CHD5: variants seen among roughly 807,000 people sequenced by gnomAD.
CHD5 encodes chromodomain helicase DNA binding protein 5.
A neutral mutation model predicts 230.3 loss-of-function variants in CHD5; 69 were observed. That is an observed-to-expected ratio of 0.30 (90% CI 0.25 to 0.37). The LOEUF (loss-of-function observed/expected upper bound fraction) is 0.37. CHD5 is among the 10% of genes least tolerant of loss of function. The pLI is 1.00. For synonymous variants in CHD5, 1,064 were observed against 1,065.9 expected, an observed-to-expected ratio of 1.00 and a Z score of 0.03; for missense variants, 1,827 against 2,622.8, an observed-to-expected ratio of 0.70 and a Z score of 6.63.
chr1:6,125,473 G>C lies in CHD5; in HGVS notation c.4260+51C>G. ...CCCCCAGCCCTCCTCCATACCCCAG[G>C]GGCAGCAGGAAGCAGGGGCAGAAAG... is the stretch of plus-strand genomic sequence containing the variant. On this transcript the variant is annotated intron_variant, in intron 28 of 41. Coordinates refer to ENST00000262450, the MANE Select transcript of CHD5 (RefSeq NM_015557.3). The surrounding 1 kb of genome is among the most constrained non-coding windows in gnomAD (Gnocchi z 6.7). 6.5e-7 allele frequency: 1 copy of C among 1,528,284 alleles called. No homozygotes were observed. The highest frequency in any genetic ancestry group is 8.9e-7 in the Non-Finnish European group (1 of 1,125,988). The allele number at this position is 1,528,284 out of a possible 1,614,324, so 94.7% of individuals were successfully genotyped here. A position where few individuals can be genotyped will look rare whatever the true frequency, so the allele number is the denominator to read the frequency against.
chr1:6,133,498 G>C (rs1666690768), intron 20 of CHD5, among the ~76,000 whole-genome samples: 2 of 152,252 alleles, frequency 1.3e-5, no homozygotes, highest in Admixed American at 6.5e-5. Flanking sequence ...GCCCACGAGA[G>C]GAGCATTTTT....
intron 1 of CHD5, 116 bp downstream of exon 1, chr1:6,179,829 C>A: frequency 2.9e-6 from 1 of 340,638 alleles, no homozygotes; most frequent in Non-Finnish European, 4.1e-6. Context: ...CCGGGTGCCC[C>A]TCCTGCGAGG....
chr1:6,140,061 G>A (rs1557549661), intron 15 of CHD5, among the ~76,000 whole-genome samples: 1 of 152,336 alleles, frequency 6.6e-6, no homozygotes, highest in East Asian at 1.9e-4. Flanking sequence ...TCTTCTAGGG[G>A]CCAATGGCTA....
chr1:6,142,204 C>T lies in CHD5; in HGVS notation c.2360G>A (p.Arg787His). 6.2e-7 allele frequency: 1 copy of T among 1,614,214 alleles called. No homozygotes were observed. Among genetic ancestry groups the T allele is most frequent in the Non-Finnish European group, 8.5e-7 (1 of 1,180,028 alleles). ...VVTYTGDKESRSVIRENEFSF... is the reference protein window; with the variant it reads ...VVTYTGDKESHSVIRENEFSF... ...AAACTCGTTCTCCCGAATCACCGAGCGGCTCTCCTTGTCCCCCGTGTAGGT... is the reference window on the plus strand; with the variant it reads ...AAACTCGTTCTCCCGAATCACCGAGTGGCTCTCCTTGTCCCCCGTGTAGGT... The change falls in exon 15 of 42, where the codon CGC becomes CAC. Residue 787 changes from arginine to histidine, a missense_variant. Physicochemically the swap from Arg to His is conservative, Grantham distance 29. Coordinates refer to ENST00000262450, the MANE Select transcript of CHD5 (RefSeq NM_015557.3). This position sits in a 1 kb window ranked among gnomAD's most constrained non-coding sequence, Gnocchi z 5.2.
intron 1 of CHD5, among the ~76,000 whole-genome samples, chr1:6,172,428 C>T (rs1458151098): frequency 6.6e-6 from 1 of 152,102 alleles, no homozygotes; most frequent in South Asian, 2.1e-4. Context: ...TGGGCTCGAG[C>T]GACCCTCCCA....
Position 6,154,923 on chromosome 1 carries a change from G to C in CHD5, c.507-25C>G, listed in dbSNP as rs1375748110. 6.2e-7 allele frequency: 1 copy of C among 1,604,580 alleles called. No individual in the cohort carries two copies. Among genetic ancestry groups the C allele is most frequent in the Non-Finnish European group, 8.5e-7 (1 of 1,173,846 alleles). On this transcript the variant is annotated intron_variant, in intron 4 of 41. Transcript: ENST00000262450. This position sits in a 1 kb window ranked among gnomAD's most constrained non-coding sequence, Gnocchi z 7.0. ...CCTGTAGGGGGAGAGGCAGGAGGGTGAGGGCAAGGCCAGGTGAGATGAGAG... is the reference window on the plus strand; with the variant it reads ...CCTGTAGGGGGAGAGGCAGGAGGGTCAGGGCAAGGCCAGGTGAGATGAGAG...
At chr1:6,116,583 G>A (rs2100836091) in intron 33 of CHD5, among the ~76,000 whole-genome samples, 1 of 152,326 alleles carries the variant, frequency 6.6e-6, no homozygotes, top group Non-Finnish European at 1.5e-5. Flanking sequence ...TTCCTAGACA[G>A]GAGCAGCAAT....
chr1:6,134,338 C>A lies in CHD5; in HGVS notation c.3013-79G>T. On this transcript the variant is annotated intron_variant, in intron 19 of 41. Coordinates refer to ENST00000262450, the MANE Select transcript of CHD5 (RefSeq NM_015557.3). The surrounding 1 kb of genome is among the most constrained non-coding windows in gnomAD (Gnocchi z 6.3). ...TCTGCACCAAAGGGGCCGCAGGGAACAGACAAGTGCTGAGCAATGGGGTGA... is the reference window on the plus strand; with the variant it reads ...TCTGCACCAAAGGGGCCGCAGGGAAAAGACAAGTGCTGAGCAATGGGGTGA... 6.5e-7 allele frequency: 1 copy of A among 1,527,780 alleles called. No individual in the cohort carries two copies. Among genetic ancestry groups the A allele is most frequent in the Non-Finnish European group, 8.9e-7 (1 of 1,121,816 alleles). 94.6% of individuals were successfully genotyped at this position (1,527,780 alleles called of 1,614,324 possible).
rs137969033 is a variant in CHD5 at position 6,167,931 on chromosome 1, C to T, written c.207+219G>A. Among the ~76,000 whole-genome samples the T allele has an allele frequency of 2.2e-4, 34 of 152,312 alleles. No individual in the cohort carries two copies. The East Asian group carries it at 6.6e-3, about 29-fold the overall frequency. ...GGAGGAAGGAAAAATGACGCTCCGA[C>T]ATCCTGCTCCGGAAACAGGACAGCT... On this transcript the variant is annotated intron_variant, in intron 2 of 41. Coordinates refer to ENST00000262450, the MANE Select transcript of CHD5 (RefSeq NM_015557.3). This position sits in a 1 kb window ranked among gnomAD's most constrained non-coding sequence, Gnocchi z 4.5.
Position 6,128,363 on chromosome 1 carries a change from C to A in CHD5, c.3730+136G>T. The stretch of plus-strand genomic sequence containing the variant: ...CATGGTGACCAGACAGAGGAAACTG[C>A]GCTGTAACAGCCCCACTCGCCGCCC... On this transcript the variant is annotated intron_variant, in intron 24 of 41. Transcript: ENST00000262450. This position sits in a 1 kb window ranked among gnomAD's most constrained non-coding sequence, Gnocchi z 7.8. 1 of 1,102,560 alleles carries A rather than the reference C, an allele frequency of 9.1e-7. No homozygotes were observed. The allele number at this position is 1,102,560 out of a possible 1,614,324, so 68.3% of individuals were successfully genotyped here.
rs768905009 is a variant in CHD5, at chr1:6,134,754, G to A, written c.2976C>T (p.Cys992=). 2 of 1,614,194 alleles carry A rather than the reference G, an allele frequency of 1.2e-6. No homozygotes were observed. Among genetic ancestry groups the A allele is most frequent in the Non-Finnish European group, 1.7e-6 (2 of 1,180,012 alleles). The change falls in exon 19 of 42, where the codon TGC becomes TGT. Residue 992 remains cysteine (C), a synonymous_variant. Transcript: ENST00000262450. The surrounding 1 kb of genome is among the most constrained non-coding windows in gnomAD (Gnocchi z 6.3). ...LLNIMMDLKK[C]CNHPYLFPVA... is the part of the protein sequence containing the mutation. The stretch of plus-strand genomic sequence containing the variant: ...CAGGGAAGAGGTAGGGGTGGTTGCA[G>A]CACTTTTTCAGGTCCATCATGATGT...
intron 15 of CHD5, among the ~76,000 whole-genome samples, chr1:6,141,304 TTAA>T (rs573565940): frequency 8.1e-5 from 11 of 135,434 alleles, no homozygotes; most frequent in Non-Finnish European, 1.3e-4. Context: ...ATAATAATAA[TTAA>T]TAATAATAAT....
At chr1:6,163,547 T>C (rs114939158) in intron 2 of CHD5, among the ~76,000 whole-genome samples, 2,054 of 152,290 alleles carry the variant, frequency 0.013, 36 homozygotes, top group African/African-American at 0.046. Context: ...AAATCTCTCC[T>C]TGCAGAGAAA....
rs757461454 is a variant in CHD5, at chr1:6,154,708, C to A, written c.697G>T (p.Val233Leu). ...SPPLAVSPPQ[V>L]PQPVPIRKAK... ...TTGCGGATAGGCACAGGCTGGGGCA[C>A]CTGCGGGGGGCTGACGGCTAGCGGA... Residue 233 changes from valine (V) to leucine (L), a missense_variant, in exon 5 of 42, where the codon GTG (valine) becomes TTG (leucine). Around this residue, in one of 14 missense-constraint regions of CHD5, gnomAD observed 657 missense variants for 816.4 expected, o/e 0.80. Transcript: ENST00000262450. This position sits in a 1 kb window ranked among gnomAD's most constrained non-coding sequence, Gnocchi z 7.0. 3 of 1,603,136 alleles carry A rather than the reference C, an allele frequency of 1.9e-6. No individual in the cohort carries two copies. The African/African-American group carries it at 4.0e-5, about 21-fold the overall frequency.
At chr1:6,158,665 C>T (rs1349306628) in intron 3 of CHD5, among the ~76,000 whole-genome samples, 5 of 152,154 alleles carry the variant, frequency 3.3e-5, no homozygotes, top group East Asian at 1.9e-4. Flanking sequence ...CAGTGGCTCA[C>T]GCCTGTAATC....
chr1:6,124,434 T>C, intron 30 of CHD5, 83 bp downstream of exon 30: 3 of 1,498,364 alleles, frequency 2.0e-6, no homozygotes, highest in Non-Finnish European at 1.9e-6. Flanking sequence ...AGGCACTTGT[T>C]CTCTGACCAC....
intron 3 of CHD5, among the ~76,000 whole-genome samples, chr1:6,156,908 G>A (rs1667089239): frequency 6.6e-6 from 1 of 152,244 alleles, no homozygotes; most frequent in Non-Finnish European, 1.5e-5. Context: ...GTGGGCATGG[G>A]CTGGTTCTGA....
chr1:6,121,018 G>A lies in CHD5; in HGVS notation c.4912+87C>T. 5.0e-6 allele frequency: 7 copies of A among 1,400,732 alleles called. No individual in the cohort carries two copies. The highest frequency in any genetic ancestry group is 6.6e-6 in the Non-Finnish European group (7 of 1,064,680). 86.8% of individuals were successfully genotyped at this position (1,400,732 alleles called of 1,614,324 possible). A position where few individuals can be genotyped will look rare whatever the true frequency, so the allele number is the denominator to read the frequency against. On this transcript the variant is annotated intron_variant, in intron 33 of 41. Coordinates refer to ENST00000262450, the MANE Select transcript of CHD5 (RefSeq NM_015557.3). The surrounding 1 kb of genome is among the most constrained non-coding windows in gnomAD (Gnocchi z 4.5). ...CCTCTCTGCCAGGGAGAAATGAGCG[G>A]AAGTACAGCCACCTGCCCTTCTCTG...
At chr1:6,168,391 G>C in intron 1 of CHD5, 114 bp from the exon 2 acceptor site, 3 of 1,312,204 alleles carry the variant, frequency 2.3e-6, no homozygotes, top group Non-Finnish European at 3.1e-6. Flanking sequence ...ACTGTGCCAG[G>C]TCACAGCTGC....
Sources: allele counts gnomAD v4.1 joint callset (sites outside exome capture counted in the v4.1 genomes callset), GRCh38; gene constraint gnomAD v4.1.1; regional missense constraint gnomAD v4.1.1; non-coding constraint Gnocchi (gnomAD v3.1); transcripts MANE v1.5; gene names NCBI Gene and HGNC (gene_info 2026-07-23, HGNC 2026-07-21).